Variants in NEDD4L observed in about 807,000 individuals in gnomAD.
The protein encoded by NEDD4L is NEDD4 like E3 ubiquitin protein ligase.
NEDD4L carries 54 observed loss-of-function variants against 148.9 expected under a neutral mutation model. The ratio of observed to expected loss-of-function variants is 0.36; its 90% CI spans 0.29 to 0.45. NEDD4L has a LOEUF of 0.45. NEDD4L is among the 20% of genes least tolerant of loss of function. The probability of loss-of-function intolerance (pLI) is 1.00; values close to 1 mark genes in which losing one functional copy is unlikely to be tolerated. For missense variants in NEDD4L, 856 were observed against 1,233.8 expected (o/e 0.69, Z 4.59); for synonymous variants, 433 against 440.7 (o/e 0.98, Z 0.22).
At chr18:58,118,643 G>A (rs931505740) in intron 1 of NEDD4L, among the ~76,000 whole-genome samples, 2 of 151,984 alleles carry the variant, frequency 1.3e-5, no homozygotes, top group African/African-American at 4.8e-5. Context: ...TGTGTGTGGC[G>A]GGGTGGTGGG....
chr18:58,373,797 G>A (rs2047201897), intron 24 of NEDD4L, among the ~76,000 whole-genome samples: 1 of 152,194 alleles, frequency 6.6e-6, no homozygotes, highest in Admixed American at 6.5e-5. Context: ...GTCAGTTTCA[G>A]ACTGGTCAGC....
chr18:58,127,175 C>T (rs914492525), intron 1 of NEDD4L, among the ~76,000 whole-genome samples: 5 of 152,208 alleles, frequency 3.3e-5, no homozygotes, highest in Admixed American at 3.3e-4. Context: ...GCTGGCCACA[C>T]CAGGCTAGAT....
intron 1 of NEDD4L, chr18:58,047,509 A>G (rs2081641466): frequency 1.0e-6 from 1 of 985,276 alleles, no homozygotes; most frequent in East Asian, 1.1e-4. Context: ...ACTTTGTAGA[A>G]GGTAAGGGGT....
intron 16 of NEDD4L, among the ~76,000 whole-genome samples, chr18:58,345,938 T>TTTTAGC (rs2043000304): frequency 6.6e-6 from 1 of 150,752 alleles, no homozygotes; most frequent in Non-Finnish European, 1.5e-5. Flanking sequence ...TTGTTTTTTT[T>TTTTAGC]AGCACAGACA....
intron 2 of NEDD4L, among the ~76,000 whole-genome samples, chr18:58,188,417 G>A (rs2039712571): frequency 6.6e-6 from 1 of 152,158 alleles, no homozygotes; most frequent in East Asian, 1.9e-4. Context: ...AGATGTGGGT[G>A]GCCAGGGTCA....
chr18:58,068,959 A>G (rs1039138055), intron 1 of NEDD4L, among the ~76,000 whole-genome samples: 3 of 152,134 alleles, frequency 2.0e-5, no homozygotes, highest in Admixed American at 6.6e-5. Flanking sequence ...CAACATGGCA[A>G]AACCCCGTCT....
rs1386735855 is a variant in NEDD4L at position 58,397,276 on chromosome 18, A to C, written c.*1007A>C. Reference sequence around the variant, plus strand: ...TGTATGCGTTTGCTAATGGTAGCTAAATAACCAGTTTTTGTTGTAAATGCA... The same window carrying C: ...TGTATGCGTTTGCTAATGGTAGCTACATAACCAGTTTTTGTTGTAAATGCA... On this transcript the variant is annotated 3_prime_UTR_variant, in exon 31 of 31. Transcript: ENST00000400345. 1.3e-5 allele frequency: 2 copies of C among 152,656 alleles called. No individual in the cohort carries two copies. The highest frequency in any genetic ancestry group is 3.8e-4 in the East Asian group (2 of 5,200). The allele number at this position is 152,656 out of a possible 1,614,324, so 9.5% of individuals were successfully genotyped here. A position where few individuals can be genotyped will look rare whatever the true frequency, so the allele number is the denominator to read the frequency against.
chr18:58,239,538 C>T (rs1003369083), intron 2 of NEDD4L, among the ~76,000 whole-genome samples: 1 of 152,150 alleles, frequency 6.6e-6, no homozygotes, highest in African/African-American at 2.4e-5. Context: ...ATATGTGGAG[C>T]TCAGCAAAGA....
At position 58,341,734 on chromosome 18, in the gene NEDD4L, G is replaced by A. The variant is rs1328052725; in HGVS notation, c.1314G>A (p.Glu438=). 6.2e-7 allele frequency: 1 copy of A among 1,613,776 alleles called. No homozygotes were observed. The highest frequency in any genetic ancestry group is 1.3e-5 in the African/African-American group (1 of 74,904). Residue 438 remains glutamate, a synonymous_variant, in exon 15 of 31, where the codon GAG becomes GAA. Coordinates refer to ENST00000400345, the MANE Select transcript of NEDD4L (RefSeq NM_001144967.3). ...CAAACAGTAACAACCATCTAATCGA[G>A]CCTCAGATCCGCCGGCCTCGTAGCC... The part of the protein sequence containing the change: ...SATNSNNHLI[E]PQIRRPRSLS...
At chr18:58,052,869 A>G (rs2081939598) in intron 1 of NEDD4L, among the ~76,000 whole-genome samples, 2 of 152,088 alleles carry the variant, frequency 1.3e-5, no homozygotes, top group South Asian at 4.1e-4. Context: ...GGGAGGCTGA[A>G]GCAGGAGAAT....
intron 1 of NEDD4L, among the ~76,000 whole-genome samples, chr18:58,112,952 T>C (rs1230002704): frequency 6.6e-6 from 1 of 152,202 alleles, no homozygotes; most frequent in Non-Finnish European, 1.5e-5. Flanking sequence ...AGTGCCCTTA[T>C]AAGAAGAGGC....
intron 1 of NEDD4L, among the ~76,000 whole-genome samples, chr18:58,111,449 C>G (rs1042541650): frequency 3.9e-5 from 6 of 152,178 alleles, no homozygotes; most frequent in Admixed American, 3.3e-4. Context: ...CATCCCTCTC[C>G]CCATCCCTAG....
chr18:58,339,300 G>T (rs970844119), intron 13 of NEDD4L, among the ~76,000 whole-genome samples: 13 of 152,174 alleles, frequency 8.5e-5, no homozygotes, highest in African/African-American at 2.9e-4. Flanking sequence ...CTTTGCCAGA[G>T]ATACTAATTG....
chr18:58,137,458 T>C (rs544808008), intron 1 of NEDD4L, among the ~76,000 whole-genome samples: 1 of 151,746 alleles, frequency 6.6e-6, no homozygotes, highest in East Asian at 1.9e-4. Context: ...CCAGCACCAG[T>C]GGGGAGTGGG....
intron 1 of NEDD4L, among the ~76,000 whole-genome samples, chr18:58,113,281 C>A (rs1183158204): frequency 6.6e-6 from 1 of 152,162 alleles, no homozygotes; most frequent in African/African-American, 2.4e-5. Context: ...TGATTGGTGA[C>A]AGAGTAGACA....
chr18:58,183,995 CCG>C lies in NEDD4L; in HGVS notation c.122+18135_122+18136del, dbSNP rs1189583547. Among the ~76,000 whole-genome samples, 21 of 152,240 alleles carry C rather than the reference CCG, an allele frequency of 1.4e-4. No homozygotes were observed. The East Asian group carries it at 4.1e-3, about 29-fold the overall frequency. On this transcript the variant is annotated intron_variant, in intron 2 of 30. Coordinates refer to ENST00000400345, the MANE Select transcript of NEDD4L (RefSeq NM_001144967.3). ...CCATCCTGGCTAACATGGTGAAACC[CCG>C]TCTCTACTAAAAATAGAGAAAATTA...
At chr18:58,118,729 G>C (rs745703704) in intron 1 of NEDD4L, among the ~76,000 whole-genome samples, 4 of 152,158 alleles carry the variant, frequency 2.6e-5, no homozygotes, top group Non-Finnish European at 5.9e-5. Flanking sequence ...AGAGCGAAGA[G>C]AAGCCCATCT....
chr18:58,177,541 C>G (rs1233606576), intron 2 of NEDD4L, among the ~76,000 whole-genome samples: 2 of 152,106 alleles, frequency 1.3e-5, no homozygotes, highest in Non-Finnish European at 1.5e-5. Flanking sequence ...ATGGTTCTCC[C>G]CATTGTAGAC....
intron 1 of NEDD4L, among the ~76,000 whole-genome samples, chr18:58,153,463 C>A (rs2035055354): frequency 6.6e-6 from 1 of 151,716 alleles, no homozygotes; most frequent in Non-Finnish European, 1.5e-5. Context: ...CCTCAGCCTC[C>A]CGAGTAGCTG....
Sources: allele counts gnomAD v4.1 joint callset (sites outside exome capture counted in the v4.1 genomes callset), GRCh38; gene constraint gnomAD v4.1.1; transcripts MANE v1.5; gene names NCBI Gene and HGNC (gene_info 2026-07-23, HGNC 2026-07-21).